The following KCND2 variants were observed in gnomAD, a reference collection of about 807,000 sequenced individuals.
The protein encoded by KCND2 is potassium voltage-gated channel subfamily D member 2, also known as A-type voltage-gated potassium channel KCND2.
A neutral mutation model predicts 54.4 loss-of-function variants in KCND2; 16 were observed. That is an observed-to-expected ratio of 0.29 (90% CI 0.20 to 0.45). The LOEUF (loss-of-function observed/expected upper bound fraction) is 0.45, where lower values mean the gene tolerates loss of function less well. Among genes scored for constraint, KCND2 ranks in the 20% least tolerant of loss-of-function variants. The pLI is 1.00. For synonymous variants in KCND2, 317 were observed against 310.7 expected, an observed-to-expected ratio of 1.02 and a Z score of -0.21; for missense variants, 486 against 824.2, an observed-to-expected ratio of 0.59 and a Z score of 5.02.
At chr7:120,542,724 T>G (rs1053754804) in intron 1 of KCND2, among the ~76,000 whole-genome samples, 1 of 152,110 alleles carries the variant, frequency 6.6e-6, no homozygotes, top group African/African-American at 2.4e-5. Context: ...AATGGTCTAT[T>G]GATAGCCACT....
chr7:120,630,509 C>T (rs1793220402), intron 1 of KCND2, among the ~76,000 whole-genome samples: 1 of 151,946 alleles, frequency 6.6e-6, no homozygotes, highest in Non-Finnish European at 1.5e-5. Flanking sequence ...ACTGTTATAC[C>T]AAAATGTTCG....
intron 1 of KCND2, among the ~76,000 whole-genome samples, chr7:120,388,315 C>T (rs1480744369): frequency 3.3e-5 from 5 of 152,014 alleles, no homozygotes; most frequent in Non-Finnish European, 7.4e-5. Flanking sequence ...CCTGCTTATG[C>T]AAATGAAAGT....
chr7:120,655,394 G>C lies in KCND2; in HGVS notation c.1116-77509G>C, dbSNP rs141209739. ...AATTTACACACCATTACTTATTCAGGGTTGCATTCCTAATTACTCTTTGGT... is the reference window on the plus strand; with the variant it reads ...AATTTACACACCATTACTTATTCAGCGTTGCATTCCTAATTACTCTTTGGT... On this transcript the variant is annotated intron_variant, in intron 1 of 5. Coordinates refer to ENST00000331113, the MANE Select transcript of KCND2 (RefSeq NM_012281.3). Among the ~76,000 whole-genome samples, 368 of 151,766 alleles carry C rather than the reference G, an allele frequency of 2.4e-3. 2 individuals carry two copies. Among genetic ancestry groups the C allele is most frequent in the African/African-American group, 8.3e-3 (344 of 41,422 alleles).
chr7:120,419,531 C>T (rs1459187627), intron 1 of KCND2, among the ~76,000 whole-genome samples: 3 of 152,122 alleles, frequency 2.0e-5, no homozygotes, highest in Admixed American at 2.0e-4. Flanking sequence ...TATGAGACCG[C>T]TCTTGGTGCT....
At chr7:120,733,173 A>G in intron 2 of KCND2, 108 bp downstream of exon 2, 2 of 1,070,686 alleles carry the variant, frequency 1.9e-6, no homozygotes, top group Middle Eastern at 2.0e-4. Flanking sequence ...CAGTAGTTGC[A>G]TCAATCAGGA....
chr7:120,674,723 G>C (rs577544981), intron 1 of KCND2, among the ~76,000 whole-genome samples: 1 of 152,326 alleles, frequency 6.6e-6, no homozygotes, highest in African/African-American at 2.4e-5. Flanking sequence ...TAGTTCTGCA[G>C]TTTCACAAAC....
intron 1 of KCND2, among the ~76,000 whole-genome samples, chr7:120,411,760 A>G (rs1227023524): frequency 6.6e-6 from 1 of 151,978 alleles, no homozygotes; most frequent in Non-Finnish European, 1.5e-5. Context: ...TATGTTACTT[A>G]TTATTTTACA....
At chr7:120,550,431 A>G (rs1792091972) in intron 1 of KCND2, among the ~76,000 whole-genome samples, 1 of 152,082 alleles carries the variant, frequency 6.6e-6, no homozygotes, top group Non-Finnish European at 1.5e-5. Context: ...CCCATTTCAT[A>G]TTTTGCTTTA....
intron 1 of KCND2, among the ~76,000 whole-genome samples, chr7:120,587,787 G>A (rs1317032395): frequency 6.6e-6 from 1 of 152,028 alleles, no homozygotes; most frequent in African/African-American, 2.4e-5. Flanking sequence ...AGCCCCTACT[G>A]TGTGCTGATG....
At chr7:120,491,105 A>G (rs1015941723) in intron 1 of KCND2, among the ~76,000 whole-genome samples, 1 of 152,122 alleles carries the variant, frequency 6.6e-6, no homozygotes, top group Non-Finnish European at 1.5e-5. Flanking sequence ...ATTGTACCCA[A>G]ATCCTCAAAA....
intron 1 of KCND2, among the ~76,000 whole-genome samples, chr7:120,574,608 A>T (rs1455530437): frequency 3.3e-5 from 5 of 150,856 alleles, no homozygotes; most frequent in Admixed American, 6.6e-5. Context: ...CTGGAGCATT[A>T]AAAAAAAATA....
intron 1 of KCND2, among the ~76,000 whole-genome samples, chr7:120,554,745 G>C (rs1420670641): frequency 6.6e-6 from 1 of 152,160 alleles, no homozygotes; most frequent in Admixed American, 6.5e-5. Context: ...AGGAGATGCT[G>C]TTGTTATGTA....
At chr7:120,523,705 T>A (rs538065158) in intron 1 of KCND2, among the ~76,000 whole-genome samples, 1,714 of 29,928 alleles carry the variant, frequency 0.057, 32 homozygotes, top group African/African-American at 0.24. Context: ...ACACACACTC[T>A]GTGTGTGTGT....
At chr7:120,492,640 A>G (rs1166331031) in intron 1 of KCND2, among the ~76,000 whole-genome samples, 2 of 152,028 alleles carry the variant, frequency 1.3e-5, no homozygotes, top group East Asian at 3.9e-4. Context: ...TTTCTTTTAT[A>G]AGGACACTAC....
chr7:120,530,369 C>A (rs971282919), intron 1 of KCND2, among the ~76,000 whole-genome samples: 9 of 152,226 alleles, frequency 5.9e-5, no homozygotes, highest in African/African-American at 1.9e-4. Context: ...AATACAGGCT[C>A]AATTACTTCA....
At chr7:120,594,116 C>T (rs984843304) in intron 1 of KCND2, among the ~76,000 whole-genome samples, 5 of 152,196 alleles carry the variant, frequency 3.3e-5, no homozygotes, top group Non-Finnish European at 7.3e-5. Flanking sequence ...CCTCATTGAA[C>T]ATCAGGATCA....
At chr7:120,507,928 G>C (rs1452752493) in intron 1 of KCND2, among the ~76,000 whole-genome samples, 2 of 151,704 alleles carry the variant, frequency 1.3e-5, no homozygotes, top group African/African-American at 4.8e-5. Flanking sequence ...GTAAATGCCA[G>C]ATATTTGAAA....
intron 1 of KCND2, among the ~76,000 whole-genome samples, chr7:120,682,463 G>A (rs974466063): frequency 3.9e-4 from 60 of 152,178 alleles, no homozygotes; most frequent in African/African-American, 1.3e-3. Flanking sequence ...TTCCTTAACT[G>A]TGCTATTCTT....
intron 1 of KCND2, among the ~76,000 whole-genome samples, chr7:120,711,715 T>C (rs1470613893): frequency 1.3e-5 from 2 of 152,178 alleles, no homozygotes; most frequent in Non-Finnish European, 2.9e-5. Flanking sequence ...TCAGGTTTAG[T>C]TGATAAAATA....
Sources: gnomAD v4.1 joint callset for allele counts (sites outside exome capture counted in the v4.1 genomes callset) on GRCh38, gnomAD v4.1.1 for gene constraint, MANE v1.5 for transcripts, NCBI Gene and HGNC (gene_info 2026-07-23, HGNC 2026-07-21) for gene names.